Variants in SLC10A7 observed in about 807,000 individuals in gnomAD.
The protein encoded by SLC10A7 is solute carrier family 10 member 7.
In SLC10A7, 29 loss-of-function variants were observed where a neutral mutation model predicts 43.2. That is an observed-to-expected ratio of 0.67 (90% CI 0.50 to 0.92). SLC10A7 has a LOEUF of 0.92. Among genes scored for constraint, SLC10A7 ranks in the 40% least tolerant of loss-of-function variants. The pLI, the probability that SLC10A7 is intolerant of heterozygous loss-of-function variation, is 0.00. For missense variants in SLC10A7, 295 were observed against 403.2 expected, an observed-to-expected ratio of 0.73 and a Z score of 2.30; for synonymous variants, 152 against 144.8, an observed-to-expected ratio of 1.05 and a Z score of -0.35.
intron 10 of SLC10A7, among the ~76,000 whole-genome samples, chr4:146,267,880 T>A (rs1487051802): frequency 6.6e-6 from 1 of 152,174 alleles, no homozygotes; most frequent in Non-Finnish European, 1.5e-5. Context: ...GCCTCTGGGA[T>A]GTCTGACAAA....
chr4:146,326,187 G>C (rs897528496), intron 5 of SLC10A7, among the ~76,000 whole-genome samples, 191 bp from the exon 6 acceptor site: 3 of 152,138 alleles, frequency 2.0e-5, no homozygotes, highest in Admixed American at 6.5e-5. Context: ...ACAATTATTT[G>C]TATTTGGCAG....
Position 146,382,828 on chromosome 4 carries a change from T to C in SLC10A7, c.436-56832A>G, listed in dbSNP as rs554917705. Among the ~76,000 whole-genome samples the C allele has an allele frequency of 2.0e-5, 3 of 152,182 alleles. No individual in the cohort carries two copies. The East Asian group carries it at 5.8e-4, about 29-fold the overall frequency. On this transcript the variant is annotated intron_variant, in intron 5 of 11. Transcript: ENST00000335472. ...TCTTCATAATATCTAGTTTTGTATA[T>C]GAGAAAAATCCAAAACTCAATCTTG...
chr4:146,260,208 A>G (rs1728137722), intron 10 of SLC10A7, among the ~76,000 whole-genome samples: 2 of 152,164 alleles, frequency 1.3e-5, no homozygotes. Context: ...TTTTTAAAAA[A>G]AAGCTTTAAA....
chr4:146,366,322 A>T (rs1736388875), intron 5 of SLC10A7, among the ~76,000 whole-genome samples: 1 of 152,160 alleles, frequency 6.6e-6, no homozygotes, highest in Non-Finnish European at 1.5e-5. Context: ...ATAATCAAAC[A>T]CCTTACATTC....
chr4:146,333,961 A>G (rs904902379), intron 5 of SLC10A7, among the ~76,000 whole-genome samples: 1 of 152,144 alleles, frequency 6.6e-6, no homozygotes, highest in Admixed American at 6.6e-5. Flanking sequence ...AGATGGACCA[A>G]CAGAACAGAT....
At chr4:146,272,409 A>G (rs1291385646) in intron 10 of SLC10A7, among the ~76,000 whole-genome samples, 4 of 152,122 alleles carry the variant, frequency 2.6e-5, no homozygotes, top group African/African-American at 9.7e-5. Context: ...AGCTTGAAAA[A>G]GTGGGTAGCT....
chr4:146,427,710 G>A (rs1373909839), intron 5 of SLC10A7, among the ~76,000 whole-genome samples: 1 of 152,080 alleles, frequency 6.6e-6, no homozygotes, highest in Non-Finnish European at 1.5e-5. Flanking sequence ...ACTTTCTTTG[G>A]TACACTAGAA....
At chr4:146,385,432 A>T (rs1374957480) in intron 5 of SLC10A7, among the ~76,000 whole-genome samples, 1 of 152,112 alleles carries the variant, frequency 6.6e-6, no homozygotes, top group East Asian at 1.9e-4. Context: ...CTAACTCTTA[A>T]GAGGTTCAGC....
intron 5 of SLC10A7, among the ~76,000 whole-genome samples, chr4:146,396,878 T>A (rs1738867410): frequency 6.7e-6 from 1 of 148,884 alleles, no homozygotes; most frequent in African/African-American, 2.5e-5. Context: ...CAAAGAAAAG[T>A]CACCAAGATT....
intron 5 of SLC10A7, among the ~76,000 whole-genome samples, chr4:146,378,842 TC>T (rs1400326651): frequency 6.6e-6 from 1 of 152,180 alleles, no homozygotes; most frequent in Non-Finnish European, 1.5e-5. Flanking sequence ...TTTAGCCCCA[TC>T]CTTGGCAACT....
intron 5 of SLC10A7, among the ~76,000 whole-genome samples, chr4:146,371,430 G>C (rs533104987): frequency 2.0e-5 from 3 of 152,170 alleles, no homozygotes; most frequent in Non-Finnish European, 4.4e-5. Context: ...ATGAGAGAGG[G>C]GGCCAAATAA....
chr4:146,460,897 T>G (rs188156558), intron 4 of SLC10A7, among the ~76,000 whole-genome samples: 1 of 152,058 alleles, frequency 6.6e-6, no homozygotes, highest in East Asian at 1.9e-4. Context: ...ACATTAAGCT[T>G]TAGCTTGTTT....
chr4:146,326,778 T>C (rs1199901209), intron 5 of SLC10A7, among the ~76,000 whole-genome samples: 1 of 152,194 alleles, frequency 6.6e-6, no homozygotes, highest in African/African-American at 2.4e-5. Context: ...CGTTTTAGTT[T>C]TTCCTTTGTC....
At chr4:146,442,516 C>T in intron 5 of SLC10A7, 1 of 1,275,366 alleles carries the variant, frequency 7.8e-7, no homozygotes, top group Non-Finnish European at 9.9e-7. Flanking sequence ...GACATAACCT[C>T]TATAAGGAGA....
At chr4:146,373,075 C>T (rs933208884) in intron 5 of SLC10A7, among the ~76,000 whole-genome samples, 1 of 152,034 alleles carries the variant, frequency 6.6e-6, no homozygotes, top group African/African-American at 2.4e-5. Context: ...TCTTAGTGCA[C>T]CTAAGGGTTT....
intron 1 of SLC10A7, among the ~76,000 whole-genome samples, chr4:146,518,542 TTAAA>T (rs919915658): frequency 1.3e-5 from 2 of 152,118 alleles, no homozygotes; most frequent in Non-Finnish European, 2.9e-5. Flanking sequence ...TTGTACTAGA[TTAAA>T]TAGTGTCCCC....
chr4:146,355,266 C>A (rs914755422), intron 5 of SLC10A7, among the ~76,000 whole-genome samples: 10 of 152,142 alleles, frequency 6.6e-5, no homozygotes, highest in Non-Finnish European at 1.5e-4. Flanking sequence ...GACATTTATG[C>A]AGCCAAAAAA....
chr4:146,265,367 C>T (rs1158306413), intron 10 of SLC10A7, among the ~76,000 whole-genome samples: 1 of 152,196 alleles, frequency 6.6e-6, no homozygotes, highest in Non-Finnish European at 1.5e-5. Flanking sequence ...AGGGCTGGCA[C>T]TTTTTAATCC....
intron 9 of SLC10A7, among the ~76,000 whole-genome samples, chr4:146,289,529 G>A (rs151114633): frequency 5.9e-4 from 89 of 151,734 alleles, no homozygotes; most frequent in Non-Finnish European, 9.6e-4. Flanking sequence ...CAATGTATGT[G>A]TGTGTTGCTT....
Sources: gnomAD v4.1 joint callset for allele counts (sites outside exome capture counted in the v4.1 genomes callset) on GRCh38, gnomAD v4.1.1 for gene constraint, MANE v1.5 for transcripts, NCBI Gene and HGNC (gene_info 2026-07-23, HGNC 2026-07-21) for gene names.